CTNNA3: variants seen among roughly 807,000 people sequenced by gnomAD.
The protein encoded by CTNNA3 is catenin alpha-3.
A neutral mutation model predicts 95.7 loss-of-function variants in CTNNA3; 76 were observed. That is an observed-to-expected ratio of 0.79 (90% CI 0.66 to 0.96). The LOEUF (loss-of-function observed/expected upper bound fraction) is 0.96. Among genes scored for constraint, CTNNA3 ranks in the 40% least tolerant of loss-of-function variants. The pLI is 0.00. For synonymous variants in CTNNA3, 431 were observed against 374.4 expected (o/e 1.15, Z -1.74); for missense variants, 1,191 against 1,089.8 (o/e 1.09, Z -1.31).
At chr10:65,990,670 T>C (rs1387188087) in intron 15 of CTNNA3, among the ~76,000 whole-genome samples, 1 of 151,242 alleles carries the variant, frequency 6.6e-6, no homozygotes, top group African/African-American at 2.4e-5. Flanking sequence ...TTTTAAATAT[T>C]AAATATTTAA....
chr10:66,871,466 G>A (rs535702085), intron 7 of CTNNA3, among the ~76,000 whole-genome samples: 4 of 150,582 alleles, frequency 2.7e-5, no homozygotes, highest in East Asian at 2.0e-4. Flanking sequence ...GGAGGCTGAC[G>A]CAGGAGAATC....
chr10:66,388,454 T>C (rs2092910543), intron 11 of CTNNA3, among the ~76,000 whole-genome samples: 1 of 152,244 alleles, frequency 6.6e-6, no homozygotes, highest in East Asian at 1.9e-4. Flanking sequence ...AGAAGTATGA[T>C]CTATATGCCC....
intron 1 of CTNNA3, among the ~76,000 whole-genome samples, chr10:67,706,433 G>A (rs1184317139): frequency 1.3e-5 from 2 of 151,934 alleles, no homozygotes; most frequent in Admixed American, 1.3e-4. Context: ...AAAAATGGGG[G>A]TACTCAGTTA....
At chr10:67,148,888 T>A (rs1860960952) in intron 7 of CTNNA3, among the ~76,000 whole-genome samples, 1 of 152,196 alleles carries the variant, frequency 6.6e-6, no homozygotes, top group African/African-American at 2.4e-5. Flanking sequence ...TTAAGCTAAA[T>A]TTCTCATATT....
At chr10:67,397,754 C>G (rs905429938) in intron 5 of CTNNA3, among the ~76,000 whole-genome samples, 8 of 152,170 alleles carry the variant, frequency 5.3e-5, no homozygotes, top group Admixed American at 3.9e-4. Flanking sequence ...CAGGGCCCCC[C>G]TGCTGTATGC....
chr10:66,388,986 A>T lies in CTNNA3; in HGVS notation c.1532-9634T>A, dbSNP rs574916027. Among the ~76,000 whole-genome samples the T allele has an allele frequency of 7.9e-5, 12 of 152,288 alleles. No individual in the cohort carries two copies. In the South Asian group the frequency reaches 2.3e-3, roughly 29 times the overall value. On this transcript the variant is annotated intron_variant, in intron 11 of 17. Transcript: ENST00000433211. The stretch of plus-strand genomic sequence containing the variant: ...ATTAAGCAACTTCTTAAAAATGATT[A>T]TTTCTCTGCTATTTATATTTCTGGT...
At chr10:66,146,548 CTGTT>C (rs1224183458) in intron 13 of CTNNA3, among the ~76,000 whole-genome samples, 6 of 152,120 alleles carry the variant, frequency 3.9e-5, no homozygotes, top group East Asian at 3.9e-4. Flanking sequence ...AGCATGTATT[CTGTT>C]TGTTTGGTTG....
intron 13 of CTNNA3, among the ~76,000 whole-genome samples, chr10:66,246,376 C>G (rs1429715934): frequency 6.6e-6 from 1 of 152,028 alleles, no homozygotes; most frequent in African/African-American, 2.4e-5. Flanking sequence ...AGTCTGCAGC[C>G]ACAGTTTGGC....
At chr10:66,370,719 T>G (rs2092747625) in intron 12 of CTNNA3, among the ~76,000 whole-genome samples, 1 of 152,164 alleles carries the variant, frequency 6.6e-6, no homozygotes, top group East Asian at 1.9e-4. Context: ...TTTTATTTTA[T>G]TTTTTTGAGA....
chr10:66,635,369 T>C (rs1845298778), intron 9 of CTNNA3, among the ~76,000 whole-genome samples: 1 of 152,130 alleles, frequency 6.6e-6, no homozygotes, highest in Non-Finnish European at 1.5e-5. Context: ...TGTTTATTAA[T>C]AGGATCATTG....
chr10:67,727,975 C>A (rs117736820), intron 1 of CTNNA3, among the ~76,000 whole-genome samples: 1 of 133,810 alleles, frequency 7.5e-6, no homozygotes. Flanking sequence ...ATAGATGACA[C>A]ATAATACATA....
intron 10 of CTNNA3, among the ~76,000 whole-genome samples, chr10:66,554,964 G>T (rs1213472561): frequency 2.0e-5 from 3 of 151,916 alleles, no homozygotes; most frequent in African/African-American, 7.3e-5. Flanking sequence ...CTGATTATAT[G>T]TTGGATATTA....
chr10:66,094,444 T>G (rs2081318663), intron 14 of CTNNA3, among the ~76,000 whole-genome samples: 1 of 152,124 alleles, frequency 6.6e-6, no homozygotes, highest in African/African-American at 2.4e-5. Flanking sequence ...CACAGGAGCT[T>G]AAGTATGGAC....
At chr10:66,209,180 C>T (rs2087957813) in intron 13 of CTNNA3, among the ~76,000 whole-genome samples, 1 of 152,082 alleles carries the variant, frequency 6.6e-6, no homozygotes, top group Non-Finnish European at 1.5e-5. Context: ...TCATTTCTGC[C>T]ATGAGTCACA....
At chr10:66,759,264 G>A (rs1025388876) in intron 9 of CTNNA3, among the ~76,000 whole-genome samples, 1 of 152,100 alleles carries the variant, frequency 6.6e-6, no homozygotes, top group Non-Finnish European at 1.5e-5. Flanking sequence ...GTGGCATTTG[G>A]TACTTTAATG....
At chr10:67,063,227 G>A (rs1334024225) in intron 7 of CTNNA3, among the ~76,000 whole-genome samples, 5 of 152,136 alleles carry the variant, frequency 3.3e-5, no homozygotes, top group Non-Finnish European at 7.4e-5. Context: ...CTAGTAAGAA[G>A]TGCTTTATAA....
chr10:65,972,783 CA>C (rs900857263), intron 16 of CTNNA3, among the ~76,000 whole-genome samples: 12 of 151,748 alleles, frequency 7.9e-5, no homozygotes, highest in Non-Finnish European at 1.8e-4. Flanking sequence ...AAGCAATCTA[CA>C]GATTCAATGC....
chr10:67,615,566 C>G (rs1302257317), intron 2 of CTNNA3, among the ~76,000 whole-genome samples: 1 of 151,356 alleles, frequency 6.6e-6, no homozygotes, highest in Admixed American at 6.6e-5. Context: ...TACACTGTGC[C>G]AGAACATGGC....
At chr10:67,718,540 C>T (rs1029421544) in intron 1 of CTNNA3, among the ~76,000 whole-genome samples, 9 of 152,118 alleles carry the variant, frequency 5.9e-5, no homozygotes, top group African/African-American at 2.2e-4. Flanking sequence ...TTATCGAAGG[C>T]CTTTTCTGCA....
Sources: allele counts gnomAD v4.1 joint callset (sites outside exome capture counted in the v4.1 genomes callset), GRCh38; gene constraint gnomAD v4.1.1; transcripts MANE v1.5; gene names NCBI Gene and HGNC (gene_info 2026-07-23, HGNC 2026-07-21).